Variants in CYTH1 observed in about 807,000 individuals in gnomAD.
The protein encoded by CYTH1 is cytohesin-1.
Under a neutral mutation model 61.8 loss-of-function variants are expected in CYTH1, and 18 were observed. The observed-to-expected ratio is 0.29, with a 90% CI of 0.20 to 0.43. CYTH1 has a LOEUF of 0.43. Ranked by LOEUF, CYTH1 falls within the 20% of genes least tolerant of loss-of-function variation. The probability of loss-of-function intolerance (pLI) is 1.00; values close to 1 mark genes in which losing one functional copy is unlikely to be tolerated. For synonymous variants in CYTH1, 174 were observed against 184.3 expected, an observed-to-expected ratio of 0.94 and a Z score of 0.45; for missense variants, 336 against 510.5, an observed-to-expected ratio of 0.66 and a Z score of 3.29.
At chr17:78,696,745 A>T (rs765631335) in intron 9 of CYTH1, 1 of 152,300 alleles carries the variant, frequency 6.6e-6, no homozygotes, top group Non-Finnish European at 1.5e-5. Context: ...CTAAGAACCA[A>T]GATAATCTTT....
At chr17:78,732,424 C>T (rs887394306) in intron 1 of CYTH1, among the ~76,000 whole-genome samples, 60 of 152,310 alleles carry the variant, frequency 3.9e-4, no homozygotes, top group African/African-American at 1.3e-3. Flanking sequence ...TTTCTATTCA[C>T]CTTCATTAAG....
Position 78,675,669 on chromosome 17 carries a change from T to C in CYTH1, c.*422A>G, listed in dbSNP as rs1031210920. 5.9e-5 allele frequency: 24 copies of C among 404,634 alleles called. No individual in the cohort carries two copies. Among genetic ancestry groups the C allele is most frequent in the Non-Finnish European group, 9.5e-5 (22 of 230,676 alleles). 25.1% of individuals were successfully genotyped at this position (404,634 alleles called of 1,614,324 possible). On this transcript the variant is annotated 3_prime_UTR_variant, in exon 14 of 14. Transcript: ENST00000446868. Reference sequence around the variant, plus strand: ...ATAGATCTTTATAGTATGTGGCTTCTCTTCCTTTCCACCTTTTTCTCTTAA... The same window carrying C: ...ATAGATCTTTATAGTATGTGGCTTCCCTTCCTTTCCACCTTTTTCTCTTAA...
intron 1 of CYTH1, among the ~76,000 whole-genome samples, chr17:78,776,658 CAAAAAA>C (rs1179473215): frequency 1.1e-5 from 1 of 88,340 alleles, no homozygotes. Flanking sequence ...GACTCTGTCT[CAAAAAA>C]AAAAAAAAAA....
intron 9 of CYTH1, among the ~76,000 whole-genome samples, chr17:78,696,983 G>A (rs370457536): frequency 2.1e-4 from 32 of 152,152 alleles, no homozygotes; most frequent in Non-Finnish European, 1.8e-4. Flanking sequence ...GGGGCTTAAA[G>A]ATATATAAAA....
At chr17:78,718,331 C>G (rs1183596869) in intron 1 of CYTH1, among the ~76,000 whole-genome samples, 1 of 151,880 alleles carries the variant, frequency 6.6e-6, no homozygotes, top group Non-Finnish European at 1.5e-5. Flanking sequence ...AAATAAAGCA[C>G]CCAGCTTTTC....
intron 3 of CYTH1, among the ~76,000 whole-genome samples, chr17:78,707,390 A>C (rs1283007474): frequency 2.6e-5 from 4 of 152,196 alleles, no homozygotes; most frequent in Non-Finnish European, 5.9e-5. Flanking sequence ...ATGAAAATAA[A>C]AGGAAAAAAA....
At chr17:78,751,676 A>T (rs776973603) in intron 1 of CYTH1, among the ~76,000 whole-genome samples, 2 of 152,236 alleles carry the variant, frequency 1.3e-5, no homozygotes, top group South Asian at 4.1e-4. Flanking sequence ...GGTTACAAAT[A>T]AGCTTTAGTG....
At chr17:78,707,348 CA>C (rs2093078255) in intron 3 of CYTH1, among the ~76,000 whole-genome samples, 1 of 151,540 alleles carries the variant, frequency 6.6e-6, no homozygotes, top group African/African-American at 2.4e-5. Flanking sequence ...GAACCCCATT[CA>C]AAACTAAACT....
intron 1 of CYTH1, among the ~76,000 whole-genome samples, chr17:78,762,416 C>T (rs1454511739): frequency 6.6e-6 from 1 of 152,156 alleles, no homozygotes; most frequent in Non-Finnish European, 1.5e-5. Context: ...ATGAGGCACA[C>T]TTCCATAAGA....
At chr17:78,767,376 C>T (rs1013898483) in intron 1 of CYTH1, among the ~76,000 whole-genome samples, 3 of 152,082 alleles carry the variant, frequency 2.0e-5, no homozygotes, top group African/African-American at 7.2e-5. Flanking sequence ...CCCCAGGCTC[C>T]CATAGCATTT....
chr17:78,693,641 G>GA (rs78280345), intron 10 of CYTH1, among the ~76,000 whole-genome samples: 3,303 of 138,724 alleles, frequency 0.024, 120 homozygotes, highest in African/African-American at 0.081. Flanking sequence ...AAAAAAAAAA[G>GA]AAAAAAAAAA....
chr17:78,765,932 A>G (rs2093446689), intron 1 of CYTH1, among the ~76,000 whole-genome samples: 1 of 152,064 alleles, frequency 6.6e-6, no homozygotes, highest in Admixed American at 6.6e-5. Context: ...ACCCTACCAC[A>G]GTACTCACAT....
In CYTH1 at chr17:78,680,387, C is replaced by G. The variant is rs201592047; in HGVS notation, c.964-43G>C. On this transcript the variant is annotated intron_variant, in intron 12 of 13. Coordinates refer to ENST00000446868, the MANE Select transcript of CYTH1 (RefSeq NM_004762.6). ...GAGGGAGAGAGTGGAGCAAAGGAAG[C>G]TGTTAACTGAGAAACATGCTGATTT... 4 of 1,563,330 alleles carry G rather than the reference C, an allele frequency of 2.6e-6. No individual in the cohort carries two copies. In the African/African-American group the frequency reaches 4.1e-5, roughly 16 times the overall value.
chr17:78,729,309 A>C (rs1310335838), intron 1 of CYTH1, among the ~76,000 whole-genome samples: 1 of 152,224 alleles, frequency 6.6e-6, no homozygotes, highest in Admixed American at 6.5e-5. Flanking sequence ...GCAGCATAAA[A>C]ATTAGTAAAG....
chr17:78,737,955 T>C (rs886405519), intron 1 of CYTH1, among the ~76,000 whole-genome samples: 1 of 152,162 alleles, frequency 6.6e-6, no homozygotes, highest in African/African-American at 2.4e-5. Flanking sequence ...CATTTTTTCA[T>C]GACTGTAAAT....
chr17:78,682,858 T>C (rs9895721), intron 11 of CYTH1, among the ~76,000 whole-genome samples: 22,401 of 152,266 alleles, frequency 0.15, 2,003 homozygotes, highest in Non-Finnish European at 0.21. Flanking sequence ...TCAGTCATCA[T>C]GCAGGGTATT....
intron 1 of CYTH1, among the ~76,000 whole-genome samples, chr17:78,767,266 A>C (rs568517301): frequency 1.1e-4 from 16 of 152,254 alleles, no homozygotes; most frequent in Non-Finnish European, 2.4e-4. Context: ...CCAGGAATTC[A>C]AGACCAGCCT....
intron 1 of CYTH1, among the ~76,000 whole-genome samples, chr17:78,714,254 C>T (rs2093162232): frequency 6.6e-6 from 1 of 152,052 alleles, no homozygotes. Flanking sequence ...GGCAACGTTG[C>T]ACTCCAGCCT....
At chr17:78,757,555 C>T (rs1020117210) in intron 1 of CYTH1, among the ~76,000 whole-genome samples, 10 of 151,962 alleles carry the variant, frequency 6.6e-5, no homozygotes, top group Non-Finnish European at 1.0e-4. Flanking sequence ...AAACACTAGC[C>T]GAGGTTCTTA....
Sources: gnomAD v4.1 joint callset for allele counts (sites outside exome capture counted in the v4.1 genomes callset) on GRCh38, gnomAD v4.1.1 for gene constraint, MANE v1.5 for transcripts, NCBI Gene and HGNC (gene_info 2026-07-23, HGNC 2026-07-21) for gene names.